RRM1: variants seen among roughly 807,000 people sequenced by gnomAD.
RRM1 encodes the protein ribonucleotide reductase catalytic subunit M1.
In RRM1, 19 loss-of-function variants were observed where a neutral mutation model predicts 101.5. The ratio of observed to expected loss-of-function variants is 0.19; its 90% CI spans 0.13 to 0.27. The LOEUF (loss-of-function observed/expected upper bound fraction) is 0.27. RRM1 is among the 10% of genes least tolerant of loss of function. The probability of loss-of-function intolerance (pLI) is 1.00; values close to 1 mark genes in which losing one functional copy is unlikely to be tolerated. For synonymous variants in RRM1, 298 were observed against 323.4 expected (o/e 0.92, Z 0.84); for missense variants, 500 against 962.9 (o/e 0.52, Z 6.36).
chr11:4,095,186 C>T (rs968337222), intron 1 of RRM1, among the ~76,000 whole-genome samples, 155 bp downstream of exon 1: 7 of 151,626 alleles, frequency 4.6e-5, no homozygotes, highest in African/African-American at 1.7e-4. Flanking sequence ...GCTCGGCCTT[C>T]TGTCTTCAGT....
At chr11:4,118,177 TTTC>T (rs1472912337) in intron 7 of RRM1, 140 bp from the exon 8 acceptor site, 4 of 817,884 alleles carry the variant, frequency 4.9e-6, no homozygotes, top group African/African-American at 1.7e-5. Flanking sequence ...TAAAGTGGGT[TTTC>T]TTCTTTGAAA....
intron 1 of RRM1, among the ~76,000 whole-genome samples, chr11:4,097,772 T>C (rs1271604643): frequency 6.6e-6 from 1 of 152,168 alleles, no homozygotes; most frequent in African/African-American, 2.4e-5. Flanking sequence ...TTGTTATTTT[T>C]AATAACAAGG....
chr11:4,115,678 T>C (rs941748097), intron 7 of RRM1, among the ~76,000 whole-genome samples: 1 of 152,086 alleles, frequency 6.6e-6, no homozygotes, highest in Admixed American at 6.6e-5. Flanking sequence ...TGCCTCAGCC[T>C]CCTGAGTAGC....
In RRM1 at chr11:4,115,700, G is replaced by A. The variant is rs552496740; in HGVS notation, c.651-2620G>A. ...GCCTCCTGAGTAGCTGGGATTACAG[G>A]CACGCGCCACCACACCCAGCTAATT... On this transcript the variant is annotated intron_variant, in intron 7 of 18. Coordinates refer to ENST00000300738, the MANE Select transcript of RRM1 (RefSeq NM_001033.5). Among the ~76,000 whole-genome samples the A allele has an allele frequency of 2.0e-4, 31 of 152,162 alleles. 1 individual carries two copies. In the South Asian group the frequency reaches 6.4e-3, roughly 32 times the overall value.
chr11:4,131,181 G>A (rs183409674), intron 15 of RRM1, among the ~76,000 whole-genome samples: 296 of 152,280 alleles, frequency 1.9e-3, no homozygotes, highest in Non-Finnish European at 3.6e-3. Flanking sequence ...TCTTTAATAC[G>A]GCGGCAAGCA....
In RRM1 at chr11:4,127,224, G is replaced by A. The variant is rs1285915704; in HGVS notation, c.1660G>A (p.Glu554Lys). 6 of 1,604,674 alleles carry A rather than the reference G, an allele frequency of 3.7e-6. No individual in the cohort carries two copies. Among genetic ancestry groups the A allele is most frequent in the South Asian group, 2.2e-5 (2 of 89,328 alleles). Residue 554 changes from glutamate to lysine, a missense_variant, in exon 14 of 19, where the codon GAA becomes AAA. Around this residue, in one of 9 missense-constraint regions of RRM1, gnomAD observed 106 missense variants for 138.1 expected, o/e 0.77. Coordinates refer to ENST00000300738, the MANE Select transcript of RRM1 (RefSeq NM_001033.5). ...CDLAKEQGPYETYEGSPVSKG... is the reference protein window; with the variant it reads ...CDLAKEQGPYKTYEGSPVSKG... ...CCTTGCCAAGGAGCAGGGCCCATAC[G>A]AAACCTATGAGGGCTCTCCAGTTAG...
chr11:4,135,230 A>G lies in RRM1; in HGVS notation c.2150A>G (p.Tyr717Cys). The G allele has an allele frequency of 1.9e-6, 3 of 1,613,110 alleles. No homozygotes were observed. The highest frequency in any genetic ancestry group is 2.5e-6 in the Non-Finnish European group (3 of 1,179,480). The stretch of plus-strand genomic sequence containing the variant: ...AACATCCACATTGCTGAGCCTAACT[A>G]TGGCAAACTCACTAGTATGCACTTC... ...SLNIHIAEPN[Y>C]GKLTSMHFYG... Residue 717 changes from tyrosine to cysteine, a missense_variant, in exon 18 of 19, where the codon TAT (tyrosine) becomes TGT (cysteine). Physicochemically the swap from Tyr to Cys is radical, Grantham distance 194 (BLOSUM62 -2). Transcript: ENST00000300738.
chr11:4,095,971 A>T (rs1477302902), intron 1 of RRM1, among the ~76,000 whole-genome samples: 1 of 152,214 alleles, frequency 6.6e-6, no homozygotes, highest in Non-Finnish European at 1.5e-5. Context: ...CACTTAGTAA[A>T]TACTGGTTAA....
chr11:4,114,121 C>T (rs191672047), intron 7 of RRM1, among the ~76,000 whole-genome samples: 1,575 of 147,420 alleles, frequency 0.011, 13 homozygotes, highest in South Asian at 0.037. Flanking sequence ...GGCAACAGAG[C>T]GAGACTCCGT....
At chr11:4,104,903 A>T (rs1166039850) in intron 2 of RRM1, among the ~76,000 whole-genome samples, 1 of 152,132 alleles carries the variant, frequency 6.6e-6, no homozygotes, top group Non-Finnish European at 1.5e-5. Flanking sequence ...TACTTACCTT[A>T]TGTGGAATTT....
chr11:4,122,574 T>G (rs1029074945), intron 11 of RRM1, among the ~76,000 whole-genome samples: 1 of 152,130 alleles, frequency 6.6e-6, no homozygotes, highest in Non-Finnish European at 1.5e-5. Context: ...ATGTCAGTAG[T>G]TTATTAAAAT....
At chr11:4,100,504 A>G (rs1425851444) in intron 1 of RRM1, among the ~76,000 whole-genome samples, 2 of 152,210 alleles carry the variant, frequency 1.3e-5, no homozygotes, top group Non-Finnish European at 2.9e-5. Context: ...TTGTGTTGGC[A>G]TTGAAAAAGT....
chr11:4,126,722 G>A lies in RRM1; in HGVS notation c.1359G>A (p.Met453Ile). 1 of 1,613,602 alleles carries A rather than the reference G, an allele frequency of 6.2e-7. No homozygotes were observed. The highest frequency in any genetic ancestry group is 8.5e-7 in the Non-Finnish European group (1 of 1,179,850). ...VCNLASLALNMYVTSEHTYDF... is the reference protein window; with the variant it reads ...VCNLASLALNIYVTSEHTYDF... ...ATTTGGCTTCCCTGGCCCTGAATATGTATGTCACATCAGAACACACATACG... is the reference window on the plus strand; with the variant it reads ...ATTTGGCTTCCCTGGCCCTGAATATATATGTCACATCAGAACACACATACG... The change falls in exon 13 of 19, where the codon ATG becomes ATA. Residue 453 changes from methionine to isoleucine, a missense_variant. Met to Ile is a conservative substitution (Grantham distance 10). This residue lies in a region of RRM1 where 80 missense variants were observed against 170.9 expected (regional missense o/e 0.47). Transcript: ENST00000300738.
chr11:4,100,047 C>G (rs187671982), intron 1 of RRM1, among the ~76,000 whole-genome samples: 212 of 152,298 alleles, frequency 1.4e-3, no homozygotes, highest in African/African-American at 4.9e-3. Flanking sequence ...AGTCCCAGTG[C>G]CAGCCAGTTA....
At chr11:4,103,088 G>A (rs943415235) in intron 2 of RRM1, among the ~76,000 whole-genome samples, 3 of 152,180 alleles carry the variant, frequency 2.0e-5, no homozygotes, top group Admixed American at 6.5e-5. Context: ...TATCTTATCC[G>A]TAAAACCTGT....
At chr11:4,122,049 T>A in intron 10 of RRM1, 92 bp from the exon 11 acceptor site, 1 of 1,018,850 alleles carries the variant, frequency 9.8e-7, no homozygotes. Flanking sequence ...CAAGAGAGCT[T>A]GTAAAAGTCA....
chr11:4,113,818 A>G (rs1001776843), intron 7 of RRM1, among the ~76,000 whole-genome samples: 1 of 152,176 alleles, frequency 6.6e-6, no homozygotes, highest in Non-Finnish European at 1.5e-5. Context: ...TATCACAGTA[A>G]AAGTACCCTA....
intron 15 of RRM1, among the ~76,000 whole-genome samples, chr11:4,129,673 G>A (rs1403947017): frequency 1.3e-5 from 2 of 151,982 alleles, no homozygotes; most frequent in African/African-American, 4.8e-5. Context: ...TAAGGGATTC[G>A]AAGGCAGACA....
rs150339315 is a variant in RRM1, at chr11:4,126,762, G to T, written c.1399G>T (p.Ala467Ser). 1.3e-5 allele frequency: 21 copies of T among 1,613,760 alleles called. No homozygotes were observed. The African/African-American group carries it at 2.4e-4, about 18-fold the overall frequency. ...SEHTYDFKKL[A>S]EVTKVVVRNL... ...ACACACATACGACTTTAAGAAGTTGGCTGAAGTCACTAAAGTCGTTGTCCG... is the reference window on the plus strand; with the variant it reads ...ACACACATACGACTTTAAGAAGTTGTCTGAAGTCACTAAAGTCGTTGTCCG... Residue 467 changes from alanine (A) to serine (S), a missense_variant, in exon 13 of 19, where the codon GCT becomes TCT. Physicochemically the swap from Ala to Ser is moderately conservative, Grantham distance 99 (BLOSUM62 1). Transcript: ENST00000300738.
Sources: allele counts gnomAD v4.1 joint callset (sites outside exome capture counted in the v4.1 genomes callset), GRCh38; gene constraint gnomAD v4.1.1; regional missense constraint gnomAD v4.1.1; transcripts MANE v1.5; gene names NCBI Gene and HGNC (gene_info 2026-07-23, HGNC 2026-07-21).